The following ZNF512 variants were observed in gnomAD, a reference collection of about 807,000 sequenced individuals.
ZNF512 encodes zinc finger protein 512.
In ZNF512, 25 loss-of-function variants were observed where a neutral mutation model predicts 77.5. That is an observed-to-expected ratio of 0.32 (90% CI 0.23 to 0.45). ZNF512 has a LOEUF of 0.45. ZNF512 is among the 20% of genes least tolerant of loss of function. The pLI, the probability that ZNF512 is intolerant of heterozygous loss-of-function variation, is 1.00. For missense variants in ZNF512, 483 were observed against 692.6 expected (o/e 0.70, Z 3.40); for synonymous variants, 246 against 239.9 (o/e 1.03, Z -0.24).
rs184574010 is a variant in ZNF512 at position 27,613,876 on chromosome 2, A to C, written c.1132-1292A>C. ...AGTTTATTACTATTACTAATATGAT[A>C]GTTTATTACTATCATATTTATGATA... On this transcript the variant is annotated intron_variant, in intron 10 of 13. Coordinates refer to ENST00000355467, the MANE Select transcript of ZNF512 (RefSeq NM_032434.4). 2.0e-4 allele frequency among the ~76,000 whole-genome samples: 31 copies of C among 152,198 alleles called. 1 individual carries two copies. Among genetic ancestry groups the C allele is most frequent in the Admixed American group, 1.8e-3 (27 of 15,282 alleles).
At position 27,621,393 on chromosome 2, in the gene ZNF512, G is replaced by C. The variant is rs763210522; in HGVS notation, c.1636G>C (p.Glu546Gln). 9 of 1,614,052 alleles carry C rather than the reference G, an allele frequency of 5.6e-6. No individual in the cohort carries two copies. In the East Asian group the frequency reaches 2.0e-4, roughly 36 times the overall value. Residue 546 changes from glutamate to glutamine, a missense_variant, in exon 14 of 14, where the codon GAG becomes CAG. Transcript: ENST00000355467. ...VSASCKEPEQ[E>Q]PVPAQFQKVK... ...AGCCTCCTGTAAGGAACCAGAGCAGGAGCCAGTGCCAGCACAGTTCCAGAA... is the reference window on the plus strand; with the variant it reads ...AGCCTCCTGTAAGGAACCAGAGCAGCAGCCAGTGCCAGCACAGTTCCAGAA...
intron 7 of ZNF512, among the ~76,000 whole-genome samples, chr2:27,602,241 A>G (rs1333512517): frequency 1.3e-5 from 2 of 152,216 alleles, no homozygotes; most frequent in African/African-American, 2.4e-5. Context: ...GTTAGCTCCA[A>G]AGGTTCATAT....
intron 9 of ZNF512, among the ~76,000 whole-genome samples, chr2:27,606,366 C>CT (rs899997829): frequency 5.8e-4 from 84 of 144,992 alleles, no homozygotes; most frequent in Non-Finnish European, 7.3e-4. Context: ...AATTTTCTTT[C>CT]TTTTTTTTTT....
chr2:27,613,495 C>CA (rs147903009), intron 10 of ZNF512, among the ~76,000 whole-genome samples: 1,345 of 128,240 alleles, frequency 0.01, 18 homozygotes, highest in African/African-American at 0.033. Context: ...GACTCCATCT[C>CA]AAAAAAAAAA....
intron 12 of ZNF512, among the ~76,000 whole-genome samples, chr2:27,616,757 GT>G (rs1672899123): frequency 6.6e-6 from 1 of 152,196 alleles, no homozygotes; most frequent in African/African-American, 2.4e-5. Context: ...GGGATGGGAG[GT>G]GGGATAGGGT....
At chr2:27,593,406 A>C (rs1325875471) in intron 2 of ZNF512, among the ~76,000 whole-genome samples, 1 of 151,726 alleles carries the variant, frequency 6.6e-6, no homozygotes, top group Non-Finnish European at 1.5e-5. Context: ...AAAAAAAAAA[A>C]AAAAGTGCTT....
intron 10 of ZNF512, 32 bp from the exon 11 acceptor site, chr2:27,615,136 T>C (rs1451352854): frequency 1.5e-6 from 2 of 1,376,656 alleles, no homozygotes; most frequent in South Asian, 2.5e-5. Flanking sequence ...GAGTTGTATT[T>C]ATCTAATGTT....
chr2:27,595,456 C>T (rs1671825069), intron 2 of ZNF512, among the ~76,000 whole-genome samples: 2 of 152,102 alleles, frequency 1.3e-5, no homozygotes, highest in South Asian at 4.1e-4. Flanking sequence ...TGCCGAGTAG[C>T]TGAGATTACA....
chr2:27,593,228 AC>A, intron 2 of ZNF512, among the ~76,000 whole-genome samples: 1 of 150,000 alleles, frequency 6.7e-6, no homozygotes, highest in South Asian at 2.1e-4. Flanking sequence ...ACACACACAC[AC>A]ACACACACAC....
chr2:27,613,267 G>T (rs1672742361), intron 10 of ZNF512, among the ~76,000 whole-genome samples: 1 of 152,056 alleles, frequency 6.6e-6, no homozygotes, highest in Non-Finnish European at 1.5e-5. Flanking sequence ...GGAGGCCGAG[G>T]CAGGCAGATC....
At chr2:27,611,041 A>G (rs534267674) in intron 10 of ZNF512, among the ~76,000 whole-genome samples, 21 of 152,246 alleles carry the variant, frequency 1.4e-4, no homozygotes, top group Non-Finnish European at 4.4e-5. Context: ...TCCTGTCCCC[A>G]TGGTTAACCA....
rs1413007886 is a variant in ZNF512 at position 27,610,544 on chromosome 2, G to GTGTGTATATATATATATATA, written c.1131+2506_1131+2507insGTGTATATATATATATATAT. ...TATGTGTGTGTATATATATGTGTGTGTATATATATATATATATATATATAT... is the reference window on the plus strand; with the variant it reads ...TATGTGTGTGTATATATATGTGTGTGTGTGTATATATATATATATATATATATATATATATATATATATAT... On this transcript the variant is annotated intron_variant, in intron 10 of 13. Coordinates refer to ENST00000355467, the MANE Select transcript of ZNF512 (RefSeq NM_032434.4). 3.4e-4 allele frequency among the ~76,000 whole-genome samples: 11 copies of GTGTGTATATATATATATATA among 32,656 alleles called. 2 individuals carry two copies. Among genetic ancestry groups the GTGTGTATATATATATATATA allele is most frequent in the East Asian group, 3.2e-3 (2 of 628 alleles). 21.4% of individuals were successfully genotyped at this position (32,656 alleles called of 152,430 possible). A position where few individuals can be genotyped will look rare whatever the true frequency, so the allele number is the denominator to read the frequency against.
Position 27,590,999 on chromosome 2 carries a change from A to AT in ZNF512, c.90-7062dup, listed in dbSNP as rs556091665. On this transcript the variant is annotated intron_variant, in intron 2 of 13. Coordinates refer to ENST00000355467, the MANE Select transcript of ZNF512 (RefSeq NM_032434.4). Reference sequence around the variant, plus strand: ...TGAATATAGAATTCTGAGTTGACAAATTTTTTCTCTCAAAATTTTAAAGAT... The same window carrying AT: ...TGAATATAGAATTCTGAGTTGACAAATTTTTTTCTCTCAAAATTTTAAAGAT... Among the ~76,000 whole-genome samples, 574 of 151,880 alleles carry AT rather than the reference A, an allele frequency of 3.8e-3. 6 individuals carry two copies. Among genetic ancestry groups the AT allele is most frequent in the African/African-American group, 0.013 (553 of 41,402 alleles).
chr2:27,615,406 G>T (rs1034673328), intron 11 of ZNF512, 137 bp downstream of exon 11: 1 of 551,484 alleles, frequency 1.8e-6, no homozygotes, highest in Non-Finnish European at 3.1e-6. Context: ...CAATTCCATA[G>T]AGCAATAATT....
At chr2:27,592,747 G>A (rs933704337) in intron 2 of ZNF512, among the ~76,000 whole-genome samples, 26 of 131,268 alleles carry the variant, frequency 2.0e-4, no homozygotes, top group African/African-American at 4.7e-4. Flanking sequence ...TGCAAATGGC[G>A]CGATCTTGGC....
At position 27,602,526 on chromosome 2, in the gene ZNF512, C is replaced by T. The variant is rs1672164236; in HGVS notation, c.733C>T (p.Leu245=). Reference sequence around the variant, plus strand: ...TGAGAGGGAAAGGCTCCGAACAGTTCTAAAGAGACTGGGAAAGCTCAGGTG... The same window carrying T: ...TGAGAGGGAAAGGCTCCGAACAGTTTTAAAGAGACTGGGAAAGCTCAGGTG... ...PSERERLRTV[L]KRLGKLRCMR... The change falls in exon 8 of 14, where the codon CTA becomes TTA. Residue 245 remains leucine (L), a synonymous_variant. Coordinates refer to ENST00000355467, the MANE Select transcript of ZNF512 (RefSeq NM_032434.4). 2 of 1,613,828 alleles carry T rather than the reference C, an allele frequency of 1.2e-6. No individual in the cohort carries two copies. Among genetic ancestry groups the T allele is most frequent in the Non-Finnish European group, 1.7e-6 (2 of 1,179,948 alleles).
rs1235260930 is a variant in ZNF512, at chr2:27,600,046, T to C, written c.450T>C (p.Tyr150=). 1 of 1,614,184 alleles carries C rather than the reference T, an allele frequency of 6.2e-7. No individual in the cohort carries two copies. The highest frequency in any genetic ancestry group is 1.7e-5 in the Admixed American group (1 of 60,018). ...ARRIRKEPPV[Y]AAGSLEEQWY... Reference sequence around the variant, plus strand: ...GTATTCGGAAGGAACCACCAGTTTATGCAGCAGGTATGTTTTCTTTTGGAA... The same window carrying C: ...GTATTCGGAAGGAACCACCAGTTTACGCAGCAGGTATGTTTTCTTTTGGAA... The change falls in exon 5 of 14, where the codon TAT becomes TAC. Residue 150 remains tyrosine (Y), a synonymous_variant. Coordinates refer to ENST00000355467, the MANE Select transcript of ZNF512 (RefSeq NM_032434.4).
chr2:27,591,040 T>C (rs1474591827), intron 2 of ZNF512, among the ~76,000 whole-genome samples: 1 of 152,174 alleles, frequency 6.6e-6, no homozygotes, highest in Non-Finnish European at 1.5e-5. Context: ...TTTTTCCTTT[T>C]CTTTTTTCTT....
At chr2:27,610,569 T>TATATATATATATA (rs70953871) in intron 10 of ZNF512, among the ~76,000 whole-genome samples, 3 of 15,802 alleles carry the variant, frequency 1.9e-4, no homozygotes, top group African/African-American at 2.6e-4. Context: ...TATATATATA[T>TATATATATATATA]TTTTTTTTTT....
Sources: gnomAD v4.1 joint callset for allele counts (sites outside exome capture counted in the v4.1 genomes callset) on GRCh38, gnomAD v4.1.1 for gene constraint, MANE v1.5 for transcripts, NCBI Gene and HGNC (gene_info 2026-07-23, HGNC 2026-07-21) for gene names.